Variants in CCDC40 observed in about 807,000 individuals in gnomAD.
CCDC40 encodes coiled-coil domain 40 molecular ruler complex subunit, also known as coiled-coil domain-containing protein 40.
Under a neutral mutation model 124.5 loss-of-function variants are expected in CCDC40, and 104 were observed. The ratio of observed to expected loss-of-function variants is 0.84; its 90% CI spans 0.71 to 0.98. The LOEUF is 0.98. CCDC40 is among the 50% of genes least tolerant of loss of function. The pLI is 0.00. For synonymous variants in CCDC40, 580 were observed against 602.9 expected (o/e 0.96, Z 0.56); for missense variants, 1,463 against 1,503.9 (o/e 0.97, Z 0.45).
intron 17 of CCDC40, chr17:80,090,727 C>A: frequency 7.1e-7 from 1 of 1,404,576 alleles, no homozygotes; most frequent in Non-Finnish European, 9.2e-7. Context: ...AATTAAATTG[C>A]AAGTGGTCAT....
At chr17:80,065,410 G>A (rs1338553108) in intron 9 of CCDC40, 75 bp from the exon 10 acceptor site, 1 of 1,592,700 alleles carries the variant, frequency 6.3e-7, no homozygotes, top group Non-Finnish European at 8.6e-7. Flanking sequence ...GGGAATGTGA[G>A]GCTCTGGTGT....
intron 10 of CCDC40, among the ~76,000 whole-genome samples, chr17:80,073,278 C>T (rs1598521835): frequency 6.6e-6 from 1 of 152,170 alleles, no homozygotes; most frequent in East Asian, 1.9e-4. Flanking sequence ...GCTGGGATTA[C>T]AGGAATCGCA....
intron 4 of CCDC40, chr17:80,048,314 CTCTT>C: frequency 2.0e-6 from 1 of 504,790 alleles, no homozygotes; most frequent in Non-Finnish European, 3.6e-6. Context: ...TTTCTGTTCA[CTCTT>C]TATGTGTAAA....
Position 80,048,324 on chromosome 17 carries a change from GT to G in CCDC40, c.677-258del, listed in dbSNP as rs941656521. 6.2e-4 allele frequency: 329 copies of G among 529,942 alleles called. 3 individuals are homozygous for G. Among genetic ancestry groups the G allele is most frequent in the Non-Finnish European group, 2.0e-4 (57 of 290,264 alleles). The allele number at this position is 529,942 out of a possible 1,614,324, so 32.8% of individuals were successfully genotyped here. On this transcript the variant is annotated intron_variant, in intron 4 of 19. Coordinates refer to ENST00000397545, the MANE Select transcript of CCDC40 (RefSeq NM_017950.4). The stretch of plus-strand genomic sequence containing the variant: ...CCACCTTTCTGTTCACTCTTTATGT[GT>G]AAAGAAAGCCTCTCAAAAATAATTT...
chr17:80,040,135 A>C lies in CCDC40; in HGVS notation c.417A>C (p.Gln139His). The change falls in exon 3 of 20, where the codon CAA (glutamine) becomes CAC (histidine). Residue 139 changes from glutamine (Q) to histidine (H), a missense_variant. By Grantham distance (24) the Gln-to-His change is conservative. Transcript: ENST00000397545. Reference sequence around the variant, plus strand: ...GTGTTAGCGGGGAGGCTGGTCTCCAAGGCTTCCAGCAAGAGGCCACCGGTC... The same window carrying C: ...GTGTTAGCGGGGAGGCTGGTCTCCACGGCTTCCAGCAAGAGGCCACCGGTC... ...YDSVSGEAGL[Q>H]GFQQEATGPP... 1 of 1,614,158 alleles carries C rather than the reference A, an allele frequency of 6.2e-7. No homozygotes were observed. The highest frequency in any genetic ancestry group is 8.5e-7 in the Non-Finnish European group (1 of 1,180,010).
At chr17:80,094,321 A>G (rs1490830014) in intron 17 of CCDC40, among the ~76,000 whole-genome samples, 1 of 151,658 alleles carries the variant, frequency 6.6e-6, no homozygotes, top group Admixed American at 6.6e-5. Context: ...CTGAGGCAGG[A>G]GAATTGCTTG....
At chr17:80,088,529 T>G in intron 16 of CCDC40, 1 of 289,978 alleles carries the variant, frequency 3.4e-6, no homozygotes, top group South Asian at 3.2e-5. Flanking sequence ...TGGGATTACA[T>G]TCATGAGCCA....
At position 80,099,525 on chromosome 17, in the gene CCDC40, A is replaced by C. The variant is rs762664261; in HGVS notation, c.3181-2A>C. On this transcript the variant is annotated splice_acceptor_variant, in intron 19 of 19. Transcript: ENST00000397545. LOFTEE classifies it high-confidence loss of function. ...CTATATGGAGTCTCTTTTCCTACCC[A>C]GAACCTTTCAGAGATCGTGGCCCTG... 6.2e-7 allele frequency: 1 copy of C among 1,607,264 alleles called. No individual in the cohort carries two copies. The highest frequency in any genetic ancestry group is 1.1e-5 in the South Asian group (1 of 91,076).
chr17:80,071,020 G>T (rs987288557), intron 10 of CCDC40, among the ~76,000 whole-genome samples: 4 of 152,176 alleles, frequency 2.6e-5, no homozygotes, highest in Admixed American at 6.5e-5. Context: ...TTCAAAGACC[G>T]CAGCGGTCCA....
At position 80,086,121 on chromosome 17, in the gene CCDC40, T is replaced by C; in HGVS notation, c.2354T>C (p.Val785Ala). The C allele has an allele frequency of 6.2e-7, 1 of 1,613,962 alleles. No homozygotes were observed. Among genetic ancestry groups the C allele is most frequent in the Non-Finnish European group, 8.5e-7 (1 of 1,179,982 alleles). ...VTWLRLQQEM[V>A]KVTQEQEEQL... ...TGGCTGCGCCTGCAGCAGGAGATGG[T>C]CAAGGTGACACAGGAGCAGGAGGAG... The change falls in exon 14 of 20, where the codon GTC becomes GCC. Residue 785 changes from valine to alanine, a missense_variant. Val to Ala is a moderately conservative substitution (Grantham distance 64). Coordinates refer to ENST00000397545, the MANE Select transcript of CCDC40 (RefSeq NM_017950.4). This position sits in a 1 kb window ranked among gnomAD's most constrained non-coding sequence, Gnocchi z 5.5.
intron 4 of CCDC40, among the ~76,000 whole-genome samples, chr17:80,048,020 C>A (rs3829610): frequency 0.32 from 48,646 of 152,104 alleles, 10,559 homozygotes; most frequent in African/African-American, 0.62. Context: ...CCTGGAATCC[C>A]AGCCAAGGCC....
intron 10 of CCDC40, among the ~76,000 whole-genome samples, chr17:80,075,174 C>T (rs1229487891): frequency 6.8e-6 from 1 of 147,850 alleles, no homozygotes; most frequent in Non-Finnish European, 1.5e-5. Flanking sequence ...ATATGCTCAC[C>T]TCAGCCTCCC....
rs2038587348 is a variant in CCDC40, at chr17:80,086,290, G to A, written c.2449+74G>A. The stretch of plus-strand genomic sequence containing the variant: ...GGACGTGGGCACCTCCCAGGGGAGG[G>A]GCACTCAGTGGGGCACGTCGCTGGA... On this transcript the variant is annotated intron_variant, in intron 14 of 19. Coordinates refer to ENST00000397545, the MANE Select transcript of CCDC40 (RefSeq NM_017950.4). The surrounding 1 kb of genome is among the most constrained non-coding windows in gnomAD (Gnocchi z 5.5). The A allele has an allele frequency of 1.6e-5, 20 of 1,213,990 alleles. No individual in the cohort carries two copies. The highest frequency in any genetic ancestry group is 7.8e-5 in the South Asian group (6 of 77,266). 75.2% of individuals were successfully genotyped at this position (1,213,990 alleles called of 1,614,324 possible). A position where few individuals can be genotyped will look rare whatever the true frequency, so the allele number is the denominator to read the frequency against.
chr17:80,087,724 A>T lies in CCDC40; in HGVS notation c.2567A>T (p.Glu856Val). 1 of 1,614,126 alleles carries T rather than the reference A, an allele frequency of 6.2e-7. No homozygotes were observed. The highest frequency in any genetic ancestry group is 8.5e-7 in the Non-Finnish European group (1 of 1,179,976). Reference sequence around the variant, plus strand: ...AATAAAAACCGGTGCAGCTCGGAGGAGCTGGAGCAGAACAACCGGGTGACA... The same window carrying T: ...AATAAAAACCGGTGCAGCTCGGAGGTGCTGGAGCAGAACAACCGGGTGACA... The part of the protein sequence containing the change: ...LMNKNRCSSE[E>V]LEQNNRVTEN... The change falls in exon 15 of 20, where the codon GAG becomes GTG. Residue 856 changes from glutamate to valine, a missense_variant. Coordinates refer to ENST00000397545, the MANE Select transcript of CCDC40 (RefSeq NM_017950.4). This position sits in a 1 kb window ranked among gnomAD's most constrained non-coding sequence, Gnocchi z 4.5.
chr17:80,056,010 A>ATTTTTTTTTTTTTTTTT (rs1326886577), intron 7 of CCDC40, among the ~76,000 whole-genome samples: 2 of 13,784 alleles, frequency 1.5e-4, no homozygotes, highest in African/African-American at 5.7e-4. Flanking sequence ...ATATATATAT[A>ATTTTTTTTTTTTTTTTT]TATATATTTT....
At chr17:80,036,724 G>A in intron 1 of CCDC40, 33 bp downstream of exon 1, 1 of 1,463,266 alleles carries the variant, frequency 6.8e-7, no homozygotes, top group East Asian at 2.9e-5. Context: ...GGGTCTTGGA[G>A]TCGCCAGGCC....
chr17:80,084,852 A>G lies in CCDC40; in HGVS notation c.2099A>G (p.Gln700Arg), dbSNP rs1234090710. 1.2e-6 allele frequency: 2 copies of G among 1,614,188 alleles called. No homozygotes were observed. The change falls in exon 13 of 20, where the codon CAG becomes CGG. Residue 700 changes from glutamine to arginine, a missense_variant. Coordinates refer to ENST00000397545, the MANE Select transcript of CCDC40 (RefSeq NM_017950.4). ...AHQKTLVELDQDVKKVNELIT... is the reference protein window; with the variant it reads ...AHQKTLVELDRDVKKVNELIT... ...CAGAAGACCCTGGTGGAGCTGGACC[A>G]GGACGTGAAGAAAGTCAACGAGCTC...
chr17:80,037,841 A>C, intron 1 of CCDC40: 1 of 362,448 alleles, frequency 2.8e-6, no homozygotes, highest in Non-Finnish European at 5.3e-6. Context: ...GTTATATTTG[A>C]GGTGACTTTT....
chr17:80,051,055 G>A (rs759885116), intron 7 of CCDC40, among the ~76,000 whole-genome samples: 4 of 152,340 alleles, frequency 2.6e-5, no homozygotes, highest in South Asian at 2.1e-4. Context: ...CAACATTACC[G>A]ATAAAGCAAC....
Sources: allele counts gnomAD v4.1 joint callset (sites outside exome capture counted in the v4.1 genomes callset), GRCh38; gene constraint gnomAD v4.1.1; non-coding constraint Gnocchi (gnomAD v3.1); transcripts MANE v1.5; gene names NCBI Gene and HGNC (gene_info 2026-07-23, HGNC 2026-07-21).